ATP2B4: variants seen among roughly 807,000 people sequenced by gnomAD.
ATP2B4 encodes the protein plasma membrane calcium-transporting ATPase 4.
In ATP2B4, 39 loss-of-function variants were observed where a neutral mutation model predicts 110.3. That is an observed-to-expected ratio of 0.35 (90% CI 0.27 to 0.46). ATP2B4 has a LOEUF of 0.46. Among genes scored for constraint, ATP2B4 ranks in the 20% least tolerant of loss-of-function variants. The pLI is 1.00. For synonymous variants in ATP2B4, 538 were observed against 571.7 expected (o/e 0.94, Z 0.84); for missense variants, 1,135 against 1,530.9 (o/e 0.74, Z 4.32).
In ATP2B4 at chr1:203,703,755, G is replaced by A. The variant is rs747778799; in HGVS notation, c.1041G>A (p.Lys347=). 6.2e-7 allele frequency: 1 copy of A among 1,614,176 alleles called. No homozygotes were observed. Among genetic ancestry groups the A allele is most frequent in the South Asian group, 1.1e-5 (1 of 91,080 alleles). ...AGAAGGCAGTCAAGGTGCCTAAAAA[G>A]GAGAAGTCAGTGCTGCAGGGCAAGC... ...KDKKAVKVPK[K]EKSVLQGKLT... The change falls in exon 8 of 21, where the codon AAG becomes AAA. Residue 347 remains lysine, a synonymous_variant. Transcript: ENST00000357681.
chr1:203,728,267 G>A (rs778724461), intron 20 of ATP2B4: 1 of 455,562 alleles, frequency 2.2e-6, no homozygotes, highest in Non-Finnish European at 4.5e-6. Flanking sequence ...CTGCTCTTAT[G>A]TCCCCTGTCT....
At chr1:203,660,462 C>A (rs935640086) in intron 1 of ATP2B4, among the ~76,000 whole-genome samples, 12 of 148,942 alleles carry the variant, frequency 8.1e-5, no homozygotes, top group African/African-American at 3.0e-4. Flanking sequence ...ATGTAACAGC[C>A]GATGAATAGG....
intron 20 of ATP2B4, among the ~76,000 whole-genome samples, chr1:203,739,330 G>C (rs959783244): frequency 1.3e-5 from 2 of 151,808 alleles, no homozygotes; most frequent in African/African-American, 4.8e-5. Flanking sequence ...CCTAGTTGCC[G>C]TCACTCACCC....
At chr1:203,729,588 C>T (rs781402062) in intron 20 of ATP2B4, 24 of 528,540 alleles carry the variant, frequency 4.5e-5, no homozygotes, top group Non-Finnish European at 8.0e-5. Context: ...ATTGCAGACT[C>T]ACTATGCACC....
intron 1 of ATP2B4, chr1:203,657,317 C>G (rs1041962547): frequency 1.3e-6 from 1 of 741,676 alleles, no homozygotes; most frequent in Admixed American, 2.0e-5. Flanking sequence ...TCCATGCCTT[C>G]TTCTTTCTCT....
intron 8 of ATP2B4, among the ~76,000 whole-genome samples, chr1:203,706,458 C>G (rs565955166): frequency 6.6e-6 from 1 of 152,186 alleles, no homozygotes; most frequent in Non-Finnish European, 1.5e-5. Flanking sequence ...TGTGCCGTGA[C>G]AAGAGAAATC....
chr1:203,652,439 C>T (rs1664027951), intron 1 of ATP2B4, among the ~76,000 whole-genome samples: 1 of 152,098 alleles, frequency 6.6e-6, no homozygotes, highest in Non-Finnish European at 1.5e-5. Context: ...AGCCACTATG[C>T]GAGGCCTACT....
At chr1:203,655,254 G>A (rs1257872714) in intron 1 of ATP2B4, among the ~76,000 whole-genome samples, 1 of 152,178 alleles carries the variant, frequency 6.6e-6, no homozygotes, top group African/African-American at 2.4e-5. Flanking sequence ...AAACATAGTT[G>A]ATAAAGCAGC....
Position 203,682,952 on chromosome 1 carries a change from G to T in ATP2B4, c.-254G>T. 1 of 402,530 alleles carries T rather than the reference G, an allele frequency of 2.5e-6. No individual in the cohort carries two copies. The highest frequency in any genetic ancestry group is 2.0e-5 in the African/African-American group (1 of 49,798). 24.9% of individuals were successfully genotyped at this position (402,530 alleles called of 1,614,324 possible). A position where few individuals can be genotyped will look rare whatever the true frequency, so the allele number is the denominator to read the frequency against. ...CTGGGGACACCAATCATCGTGACAC[G>T]GAGTCCACCTTCCACTCAGTTCCCC... On this transcript the variant is annotated 5_prime_UTR_variant, in exon 2 of 21. Transcript: ENST00000357681.
chr1:203,724,460 T>A (rs1666442855), intron 19 of ATP2B4, among the ~76,000 whole-genome samples: 1 of 151,418 alleles, frequency 6.6e-6, no homozygotes, highest in African/African-American at 2.4e-5. Context: ...GAGCTTGCAG[T>A]GAGCCGAGAT....
chr1:203,669,953 A>C (rs1036973469), intron 1 of ATP2B4, among the ~76,000 whole-genome samples: 8 of 152,168 alleles, frequency 5.3e-5, no homozygotes, highest in Non-Finnish European at 8.8e-5. Context: ...ATCAACAATG[A>C]CCAGCTGGGG....
At chr1:203,721,512 C>T (rs1156661376) in intron 17 of ATP2B4, 102 bp downstream of exon 17, 1 of 1,169,976 alleles carries the variant, frequency 8.5e-7, no homozygotes, top group Non-Finnish European at 1.2e-6. Context: ...GGAATAAGCG[C>T]AGCTTCACCT....
rs202197624 is a variant in ATP2B4 at position 203,703,672 on chromosome 1, G to T, written c.958G>T (p.Ala320Ser). 7.4e-6 allele frequency: 12 copies of T among 1,614,052 alleles called. No individual in the cohort carries two copies. Among genetic ancestry groups the T allele is most frequent in the African/African-American group, 1.3e-5 (1 of 75,032 alleles). ...RNKAKTQDGV[A>S]LEIQPLNSQE... ...TCCAGCAAAGACCCAAGACGGAGTG[G>T]CCCTGGAAATCCAGCCACTCAACAG... The change falls in exon 8 of 21, where the codon GCC becomes TCC. Residue 320 changes from alanine to serine, a missense_variant. By Grantham distance (99) the Ala-to-Ser change is moderately conservative (BLOSUM62 1). Coordinates refer to ENST00000357681, the MANE Select transcript of ATP2B4 (RefSeq NM_001684.5).
chr1:203,670,818 G>C (rs1403346304), intron 1 of ATP2B4, among the ~76,000 whole-genome samples: 3 of 152,218 alleles, frequency 2.0e-5, no homozygotes, highest in African/African-American at 7.2e-5. Context: ...GGCACCAGAA[G>C]GGTGCTTCCC....
chr1:203,662,265 A>T (rs933470382), intron 1 of ATP2B4, among the ~76,000 whole-genome samples: 1 of 152,160 alleles, frequency 6.6e-6, no homozygotes, highest in Non-Finnish European at 1.5e-5. Context: ...GGACCTCATG[A>T]TCCACCCGTC....
chr1:203,636,704 C>T (rs1485813469), intron 1 of ATP2B4, among the ~76,000 whole-genome samples: 2 of 152,218 alleles, frequency 1.3e-5, no homozygotes, highest in East Asian at 1.9e-4. Flanking sequence ...CCTTCATCAA[C>T]TGCACTGTTA....
Position 203,709,473 on chromosome 1 carries a change from C to G in ATP2B4, c.1730C>G (p.Thr577Ser), listed in dbSNP as rs1190346215. 1 of 1,614,188 alleles carries G rather than the reference C, an allele frequency of 6.2e-7. No individual in the cohort carries two copies. The highest frequency in any genetic ancestry group is 1.1e-5 in the South Asian group (1 of 91,082). Residue 577 changes from threonine (T) to serine (S), a missense_variant, in exon 11 of 21, where the codon ACC becomes AGC. Around this residue, in one of 9 missense-constraint regions of ATP2B4, gnomAD observed 368 missense variants for 455.9 expected, o/e 0.81. Coordinates refer to ENST00000357681, the MANE Select transcript of ATP2B4 (RefSeq NM_001684.5). Reference sequence around the variant, plus strand: ...AACTCAGTGCGCAAGTCAATGAGCACCGTCATCAGGAATCCCAACGGTGGC... The same window carrying G: ...AACTCAGTGCGCAAGTCAATGAGCAGCGTCATCAGGAATCCCAACGGTGGC... Reference protein sequence around the residue: ...TFNSVRKSMSTVIRNPNGGFR... With the variant: ...TFNSVRKSMSSVIRNPNGGFR...
chr1:203,636,615 G>A (rs781205474), intron 1 of ATP2B4, among the ~76,000 whole-genome samples: 12 of 152,160 alleles, frequency 7.9e-5, no homozygotes, highest in Admixed American at 5.9e-4. Context: ...AGAAGAGCAC[G>A]GGACTGGGAG....
chr1:203,733,587 G>A lies in ATP2B4; in HGVS notation c.3310-5959G>A, dbSNP rs1032695497. On this transcript the variant is annotated intron_variant, in intron 20 of 20. Transcript: ENST00000357681. ...CTGTGTGCCCTTGTATTTTATTTTT[G>A]TAATGTAGAAAAGCTATTAAACCTT... The A allele has an allele frequency of 3.0e-5, 16 of 534,772 alleles. No individual in the cohort carries two copies. The African/African-American group carries it at 3.1e-4, about 10-fold the overall frequency. The allele number at this position is 534,772 out of a possible 1,614,324, so 33.1% of individuals were successfully genotyped here.
Sources: gnomAD v4.1 joint callset for allele counts (sites outside exome capture counted in the v4.1 genomes callset) on GRCh38, gnomAD v4.1.1 for gene constraint, gnomAD v4.1.1 regional missense constraint, MANE v1.5 for transcripts, NCBI Gene and HGNC (gene_info 2026-07-23, HGNC 2026-07-21) for gene names.